The following CADM2 variants were observed in gnomAD, a reference collection of about 807,000 sequenced individuals.
CADM2 encodes the protein immunoglobulin superfamily member 4D.
In CADM2, 12 loss-of-function variants were observed where a neutral mutation model predicts 49.8. The ratio of observed to expected loss-of-function variants is 0.24; its 90% CI spans 0.15 to 0.39. The LOEUF (loss-of-function observed/expected upper bound fraction) is 0.39, where lower values mean the gene tolerates loss of function less well. CADM2 is among the 10% of genes least tolerant of loss of function. The probability of loss-of-function intolerance (pLI) is 1.00; values close to 1 mark genes in which losing one functional copy is unlikely to be tolerated. For missense variants in CADM2, 378 were observed against 492.3 expected, an observed-to-expected ratio of 0.77 and a Z score of 2.20; for synonymous variants, 214 against 175.4, an observed-to-expected ratio of 1.22 and a Z score of -1.74.
At chr3:85,557,946 A>G (rs1486186864) in intron 1 of CADM2, among the ~76,000 whole-genome samples, 1 of 152,078 alleles carries the variant, frequency 6.6e-6, no homozygotes. Context: ...TACGTTCGTA[A>G]AGAGAAAACC....
intron 1 of CADM2, among the ~76,000 whole-genome samples, chr3:85,622,866 T>C (rs1371677202): frequency 6.6e-6 from 1 of 151,724 alleles, no homozygotes; most frequent in African/African-American, 2.4e-5. Flanking sequence ...GTCTGCAAAT[T>C]TTTTTTGTTT....
At chr3:85,859,843 G>C (rs1334700639) in intron 3 of CADM2, among the ~76,000 whole-genome samples, 1 of 151,916 alleles carries the variant, frequency 6.6e-6, no homozygotes, top group African/African-American at 2.4e-5. Flanking sequence ...GTAGAATTTT[G>C]GTTGGAATTT....
At chr3:85,449,611 A>G (rs2107564474) in intron 1 of CADM2, among the ~76,000 whole-genome samples, 1 of 152,198 alleles carries the variant, frequency 6.6e-6, no homozygotes, top group African/African-American at 2.4e-5. Context: ...GTAGTACTAA[A>G]ACAAGCTCCT....
At chr3:85,539,150 C>T (rs974690034) in intron 1 of CADM2, among the ~76,000 whole-genome samples, 24 of 106,266 alleles carry the variant, frequency 2.3e-4, no homozygotes, top group African/African-American at 6.3e-4. Context: ...TAAAAAAAAA[C>T]AGCTGTATGA....
rs1308373848 is a variant in CADM2 at position 85,114,352 on chromosome 3, G to A, written c.61+154684G>A. The stretch of plus-strand genomic sequence containing the variant: ...AGAGAGGCATCCTCAGAGTAGGTGT[G>A]GGTAAATGAGGACAGGTTTTGGTTA... On this transcript the variant is annotated intron_variant, in intron 1 of 9. Transcript: ENST00000383699. Among the ~76,000 whole-genome samples the A allele has an allele frequency of 2.6e-5, 4 of 152,080 alleles. 1 individual carries two copies. Among genetic ancestry groups the A allele is most frequent in the African/African-American group, 9.7e-5 (4 of 41,426 alleles).
chr3:85,413,161 A>AAAAAAAAAAAAAT (rs1553720239), intron 1 of CADM2, among the ~76,000 whole-genome samples: 2 of 108,512 alleles, frequency 1.8e-5, no homozygotes, highest in African/African-American at 8.1e-5. Context: ...AAAAAAAAAA[A>AAAAAAAAAAAAAT]AATAATAATA....
intron 1 of CADM2, among the ~76,000 whole-genome samples, chr3:85,206,995 C>T (rs1249652361): frequency 2.6e-5 from 4 of 151,076 alleles, no homozygotes; most frequent in Admixed American, 1.3e-4. Flanking sequence ...AAAATAAAAC[C>T]ACAACATTAC....
At chr3:85,688,060 GCAACCCACC>G (rs995375179) in intron 1 of CADM2, among the ~76,000 whole-genome samples, 8 of 152,072 alleles carry the variant, frequency 5.3e-5, no homozygotes, top group Non-Finnish European at 1.0e-4. Flanking sequence ...ATCACCCCCA[GCAACCCACC>G]CAATGTATGT....
chr3:85,623,268 C>A (rs974460413), intron 1 of CADM2, among the ~76,000 whole-genome samples: 2 of 152,168 alleles, frequency 1.3e-5, no homozygotes, highest in Admixed American at 1.3e-4. Context: ...TGGTATTAAT[C>A]TCATGGCATT....
intron 2 of CADM2, among the ~76,000 whole-genome samples, chr3:85,778,251 AAAG>A (rs2070456088): frequency 6.6e-6 from 1 of 152,238 alleles, no homozygotes; most frequent in South Asian, 2.1e-4. Flanking sequence ...TCAGGAAGAT[AAAG>A]AAGAATCCAT....
intron 1 of CADM2, among the ~76,000 whole-genome samples, chr3:85,509,627 G>A (rs979043403): frequency 3.9e-5 from 6 of 151,994 alleles, no homozygotes; most frequent in Non-Finnish European, 7.4e-5. Context: ...GATGGTCTGC[G>A]TGACATTAAA....
At chr3:85,839,748 A>G (rs2074558747) in intron 3 of CADM2, among the ~76,000 whole-genome samples, 1 of 151,914 alleles carries the variant, frequency 6.6e-6, no homozygotes, top group Non-Finnish European at 1.5e-5. Flanking sequence ...ATGTCTTTAT[A>G]TTACTTATTC....
intron 1 of CADM2, among the ~76,000 whole-genome samples, chr3:85,229,111 G>A (rs2042226291): frequency 1.3e-5 from 2 of 152,174 alleles, no homozygotes; most frequent in Admixed American, 6.5e-5. Flanking sequence ...TACACTGTGA[G>A]CATAAAACTG....
At chr3:85,593,821 C>T (rs2063173370) in intron 1 of CADM2, among the ~76,000 whole-genome samples, 1 of 151,952 alleles carries the variant, frequency 6.6e-6, no homozygotes, top group Non-Finnish European at 1.5e-5. Context: ...GTCAAGGACT[C>T]TTTCCAAATA....
At chr3:85,587,604 A>G (rs1363743000) in intron 1 of CADM2, among the ~76,000 whole-genome samples, 2 of 152,020 alleles carry the variant, frequency 1.3e-5, no homozygotes, top group African/African-American at 2.4e-5. Context: ...TGCTTTAACC[A>G]TGTACCAAAT....
At chr3:85,098,098 A>G (rs528555088) in intron 1 of CADM2, among the ~76,000 whole-genome samples, 2 of 152,300 alleles carry the variant, frequency 1.3e-5, no homozygotes, top group African/African-American at 2.4e-5. Flanking sequence ...TGTTCCAGCA[A>G]CCATGTGATT....
At chr3:85,169,930 T>C (rs1300658679) in intron 1 of CADM2, among the ~76,000 whole-genome samples, 6 of 152,212 alleles carry the variant, frequency 3.9e-5, no homozygotes, top group Non-Finnish European at 8.8e-5. Flanking sequence ...TGTGACAGAA[T>C]TATTCATTCA....
At chr3:85,956,923 A>G (rs1253287089) in intron 7 of CADM2, among the ~76,000 whole-genome samples, 1 of 151,654 alleles carries the variant, frequency 6.6e-6, no homozygotes, top group African/African-American at 2.4e-5. Context: ...TATGTTTAAA[A>G]GTTCAAACAT....
At chr3:85,842,900 T>C (rs2074702814) in intron 3 of CADM2, among the ~76,000 whole-genome samples, 1 of 152,122 alleles carries the variant, frequency 6.6e-6, no homozygotes, top group Non-Finnish European at 1.5e-5. Context: ...TTGATTCCTA[T>C]ACGTTAGAGA....
Sources: gnomAD v4.1 joint callset for allele counts (sites outside exome capture counted in the v4.1 genomes callset) on GRCh38, gnomAD v4.1.1 for gene constraint, MANE v1.5 for transcripts, NCBI Gene and HGNC (gene_info 2026-07-23, HGNC 2026-07-21) for gene names.